The following GALNTL5 variants were observed in gnomAD, a reference collection of about 807,000 sequenced individuals.
GALNTL5 encodes inactive polypeptide N-acetylgalactosaminyltransferase-like protein 5.
GALNTL5 carries 44 observed loss-of-function variants against 51.0 expected under a neutral mutation model. The ratio of observed to expected loss-of-function variants is 0.86; its 90% CI spans 0.68 to 1.11. The LOEUF (loss-of-function observed/expected upper bound fraction) is 1.11. GALNTL5 is among the 50% of genes least tolerant of loss of function. The pLI, the probability that GALNTL5 is intolerant of heterozygous loss-of-function variation, is 0.00. For missense variants in GALNTL5, 528 were observed against 531.8 expected (o/e 0.99, Z 0.07); for synonymous variants, 192 against 182.8 (o/e 1.05, Z -0.41).
intron 3 of GALNTL5, among the ~76,000 whole-genome samples, chr7:151,979,760 A>G (rs1159838174): frequency 6.6e-6 from 1 of 151,982 alleles, no homozygotes; most frequent in Non-Finnish European, 1.5e-5. Context: ...CCTGGCCAGG[A>G]AAGTTTTTAT....
intron 3 of GALNTL5, among the ~76,000 whole-genome samples, chr7:151,975,098 A>G (rs1196668098): frequency 6.6e-6 from 1 of 152,182 alleles, no homozygotes; most frequent in African/African-American, 2.4e-5. Flanking sequence ...GTCTCATAAA[A>G]TGAGTTTGGA....
intron 5 of GALNTL5, among the ~76,000 whole-genome samples, chr7:151,994,448 G>A (rs1298563292): frequency 1.3e-5 from 2 of 151,954 alleles, no homozygotes; most frequent in Non-Finnish European, 2.9e-5. Flanking sequence ...ACAAAGCGAC[G>A]CTGTCTCTCC....
chr7:151,971,781 C>A (rs1391805683), intron 3 of GALNTL5, among the ~76,000 whole-genome samples: 1 of 152,160 alleles, frequency 6.6e-6, no homozygotes, highest in Non-Finnish European at 1.5e-5. Context: ...AGGGAGTTCT[C>A]ATGAGACCTG....
chr7:152,008,461 A>ATG (rs2081681575), intron 7 of GALNTL5, among the ~76,000 whole-genome samples: 1 of 151,540 alleles, frequency 6.6e-6, no homozygotes, highest in Non-Finnish European at 1.5e-5. Context: ...TTTCTGATGT[A>ATG]TGGTATATCA....
intron 4 of GALNTL5, 151 bp downstream of exon 4, chr7:151,983,303 G>C (rs371203367): frequency 1.5e-6 from 1 of 679,382 alleles, no homozygotes; most frequent in African/African-American, 1.8e-5. Flanking sequence ...TCAGCCTCCC[G>C]TGCAGCTGGG....
intron 5 of GALNTL5, among the ~76,000 whole-genome samples, chr7:151,990,577 T>C (rs1345888485): frequency 8.3e-3 from 2 of 242 alleles, no homozygotes; most frequent in African/African-American, 4.8e-3. Flanking sequence ...CGAGACTCCA[T>C]CTCAAAAAAA....
chr7:151,992,645 A>G (rs2081441785), intron 5 of GALNTL5, among the ~76,000 whole-genome samples: 1 of 152,148 alleles, frequency 6.6e-6, no homozygotes, highest in African/African-American at 2.4e-5. Flanking sequence ...GTATGACCTC[A>G]TTGCATCTGC....
At chr7:151,988,275 C>T (rs910886061) in intron 5 of GALNTL5, among the ~76,000 whole-genome samples, 1 of 152,170 alleles carries the variant, frequency 6.6e-6, no homozygotes, top group East Asian at 1.9e-4. Context: ...CGCTGCTGGG[C>T]GGCTGAGTCC....
At chr7:151,998,402 A>C (rs1436271423) in intron 5 of GALNTL5, among the ~76,000 whole-genome samples, 2 of 152,230 alleles carry the variant, frequency 1.3e-5, no homozygotes. Flanking sequence ...ATTAAATAAC[A>C]GTAGGCTGGG....
chr7:152,010,142 C>A (rs1187544831), intron 7 of GALNTL5, among the ~76,000 whole-genome samples: 4 of 151,236 alleles, frequency 2.6e-5, no homozygotes, highest in African/African-American at 9.8e-5. Context: ...GAGACGGAGT[C>A]TTGCTCTGTC....
intron 5 of GALNTL5, among the ~76,000 whole-genome samples, chr7:151,997,503 A>G (rs1032852713): frequency 6.6e-6 from 1 of 152,240 alleles, no homozygotes; most frequent in Non-Finnish European, 1.5e-5. Context: ...TAAATATTTT[A>G]TGATGAGTGA....
intron 1 of GALNTL5, 26 bp from the exon 2 acceptor site, chr7:151,967,182 G>A: frequency 7.0e-7 from 1 of 1,432,310 alleles, no homozygotes; most frequent in Non-Finnish European, 9.6e-7. Context: ...ATCTAATGCT[G>A]CTCCTCTTAA....
chr7:151,992,708 T>G (rs2081442437), intron 5 of GALNTL5, among the ~76,000 whole-genome samples: 1 of 152,238 alleles, frequency 6.6e-6, no homozygotes. Context: ...GGTTAGGACT[T>G]GAAAATATCG....
At chr7:151,957,842 A>T (rs1042189426) in intron 1 of GALNTL5, 6 of 152,172 alleles carry the variant, frequency 3.9e-5, no homozygotes, top group Admixed American at 3.3e-4. Context: ...TTCTGAAGAC[A>T]CAAAGTCCAA....
chr7:152,010,205 C>G (rs2081712524), intron 7 of GALNTL5, among the ~76,000 whole-genome samples: 1 of 152,024 alleles, frequency 6.6e-6, no homozygotes, highest in African/African-American at 2.4e-5. Context: ...CTCCGCCTCC[C>G]AGGTTCAAGC....
chr7:151,996,663 C>A lies in GALNTL5; in HGVS notation c.659-6051C>A, dbSNP rs532585335. The stretch of plus-strand genomic sequence containing the variant: ...ATTTGGGAGGGCGAGGCAGGAGGAT[C>A]GCTCGAGCCCAGGAGCTCAAGGTTA... On this transcript the variant is annotated intron_variant, in intron 5 of 8. Coordinates refer to ENST00000392800, the MANE Select transcript of GALNTL5 (RefSeq NM_145292.4). Among the ~76,000 whole-genome samples the A allele has an allele frequency of 1.1e-4, 17 of 152,166 alleles. No individual in the cohort carries two copies. In the East Asian group the frequency reaches 3.3e-3, roughly 29 times the overall value.
intron 4 of GALNTL5, 110 bp from the exon 5 acceptor site, chr7:151,987,049 G>T: frequency 1.0e-6 from 1 of 976,384 alleles, no homozygotes. Context: ...TTTAAAGTTA[G>T]AACTTCTGTG....
chr7:151,980,780 C>T (rs577935372), intron 3 of GALNTL5, among the ~76,000 whole-genome samples: 1 of 118,102 alleles, frequency 8.5e-6, no homozygotes, highest in Admixed American at 9.9e-5. Context: ...GAGTCTCGCT[C>T]TGTCGCCCAG....
chr7:151,971,157 C>G (rs79112513), intron 3 of GALNTL5, 92 bp downstream of exon 3: 29 of 960,584 alleles, frequency 3.0e-5, no homozygotes, highest in Non-Finnish European at 4.6e-6. Flanking sequence ...CAGTTACTAA[C>G]CAGATTTTAA....
Sources: allele counts gnomAD v4.1 joint callset (sites outside exome capture counted in the v4.1 genomes callset), GRCh38; gene constraint gnomAD v4.1.1; transcripts MANE v1.5; gene names NCBI Gene and HGNC (gene_info 2026-07-23, HGNC 2026-07-21).